The following TPO variants were observed in gnomAD, a reference collection of about 807,000 sequenced individuals.
TPO encodes the protein thyroid peroxidase.
In TPO, 78 loss-of-function variants were observed where a neutral mutation model predicts 96.9. The observed-to-expected ratio is 0.81, with a 90% confidence interval of 0.67 to 0.97. The LOEUF (loss-of-function observed/expected upper bound fraction) is 0.97. Among genes scored for constraint, TPO ranks in the 50% least tolerant of loss-of-function variants. The pLI, the probability that TPO is intolerant of heterozygous loss-of-function variation, is 0.00. For synonymous variants in TPO, 547 were observed against 538.0 expected (o/e 1.02, Z -0.23); for missense variants, 1,252 against 1,274.8 (o/e 0.98, Z 0.27).
rs28909377 is a variant in TPO at position 1,424,026 on chromosome 2, C to T, written c.179+897C>T. The stretch of plus-strand genomic sequence containing the variant: ...GTGAACCCAAGTATCTAAGACAGAT[C>T]TCAGTCAATTTAGAACGTTTATTTT... On this transcript the variant is annotated intron_variant, in intron 3 of 16. Transcript: ENST00000329066. Among the ~76,000 whole-genome samples, 17 of 152,212 alleles carry T rather than the reference C, an allele frequency of 1.1e-4. No individual in the cohort carries two copies. In the East Asian group the frequency reaches 1.9e-3, roughly 17 times the overall value.
intron 1 of TPO, among the ~76,000 whole-genome samples, chr2:1,382,958 G>A (rs1389622962): frequency 1.4e-5 from 2 of 141,806 alleles, no homozygotes; most frequent in African/African-American, 5.3e-5. Flanking sequence ...TCCCACCTAT[G>A]AGTGAGAACA....
intron 9 of TPO, among the ~76,000 whole-genome samples, chr2:1,486,679 T>C (rs979018171): frequency 6.6e-6 from 1 of 152,216 alleles, no homozygotes; most frequent in Non-Finnish European, 1.5e-5. Context: ...CCCAATTAGT[T>C]TTTTGGAAGG....
chr2:1,496,174 C>T lies in TPO; in HGVS notation c.2192C>T (p.Ala731Val), dbSNP rs765916555. 1.9e-6 allele frequency: 3 copies of T among 1,613,968 alleles called. No individual in the cohort carries two copies. The highest frequency in any genetic ancestry group is 2.5e-6 in the Non-Finnish European group (3 of 1,180,034). The change falls in exon 12 of 17, where the codon GCC becomes GTC. Residue 731 changes from alanine to valine, a missense_variant. Physicochemically the swap from Ala to Val is moderately conservative, Grantham distance 64. Coordinates refer to ENST00000329066, the MANE Select transcript of TPO (RefSeq NM_001206744.2). ...CDSITGMNLEAWRETFPQDDK... is the reference protein window; with the variant it reads ...CDSITGMNLEVWRETFPQDDK... ...AGCATCACTGGCATGAACCTGGAGG[C>T]CTGGAGGGAAACCTTTCCTCAAGGT...
At chr2:1,494,985 C>T (rs1307702346) in intron 11 of TPO, among the ~76,000 whole-genome samples, 1 of 152,098 alleles carries the variant, frequency 6.6e-6, no homozygotes. Context: ...CTTCAGCAAA[C>T]GTGCGGTTTG....
rs889336573 is a variant in TPO at position 1,517,947 on chromosome 2, C to CA, written c.2618+965_2618+966insA. 1.3e-4 allele frequency among the ~76,000 whole-genome samples: 20 copies of CA among 151,910 alleles called. No homozygotes were observed. In the South Asian group the frequency reaches 1.7e-3, roughly 13 times the overall value. On this transcript the variant is annotated intron_variant, in intron 15 of 16. Transcript: ENST00000329066. ...TCTCCCTGAGTGCCAGGCTCCCCCC[C>CA]CCAATATGCCCTGTGCACACTCCTG...
chr2:1,502,149 C>A (rs1401102509), intron 13 of TPO, among the ~76,000 whole-genome samples: 1 of 152,134 alleles, frequency 6.6e-6, no homozygotes, highest in Non-Finnish European at 1.5e-5. Flanking sequence ...GAAACACTCC[C>A]TACCCCAGAG....
At chr2:1,491,206 G>A (rs76314064) in intron 10 of TPO, among the ~76,000 whole-genome samples, 7,759 of 151,316 alleles carry the variant, frequency 0.051, 278 homozygotes, top group South Asian at 0.13. Context: ...TTGCATTCCC[G>A]TTTCTGCAGT....
At chr2:1,399,833 A>G (rs780693757) in intron 1 of TPO, among the ~76,000 whole-genome samples, 43 of 152,298 alleles carry the variant, frequency 2.8e-4, no homozygotes, top group South Asian at 1.9e-3. Flanking sequence ...GGTTCTGCAA[A>G]TAGGAACAAG....
At chr2:1,429,219 C>A (rs192251377) in intron 3 of TPO, among the ~76,000 whole-genome samples, 19 of 152,236 alleles carry the variant, frequency 1.2e-4, no homozygotes, top group Non-Finnish European at 1.5e-4. Context: ...ACTCTACTCT[C>A]CTGCTCCTGC....
chr2:1,515,907 A>AC (rs1383287464), intron 14 of TPO, among the ~76,000 whole-genome samples: 3 of 151,840 alleles, frequency 2.0e-5, no homozygotes, highest in Admixed American at 6.6e-5. Context: ...TAAAAAAAAA[A>AC]CGCTGATTGG....
At chr2:1,469,844 C>T (rs1669228376) in intron 7 of TPO, among the ~76,000 whole-genome samples, 1 of 152,202 alleles carries the variant, frequency 6.6e-6, no homozygotes, top group South Asian at 2.1e-4. Flanking sequence ...GAGCCATCCG[C>T]TTTCTTCAGA....
At chr2:1,409,638 G>GCT (rs1269926507), upstream of TPO, among the ~76,000 whole-genome samples, 1 of 152,078 alleles carries the variant, frequency 6.6e-6, no homozygotes, top group East Asian at 1.9e-4. Flanking sequence ...GGTATCCCCA[G>GCT]CTTTTCCATC....
chr2:1,413,943 A>G (rs772261361), intron 1 of TPO, among the ~76,000 whole-genome samples: 46 of 152,378 alleles, frequency 3.0e-4, no homozygotes, highest in Non-Finnish European at 5.9e-4. Flanking sequence ...TATGGACATA[A>G]GAATGCTTTA....
intron 8 of TPO, chr2:1,478,332 G>C: frequency 2.0e-6 from 2 of 985,462 alleles, no homozygotes. Context: ...GCGAGTCACC[G>C]TGTGTGTCTG....
At chr2:1,496,485 G>A in intron 12 of TPO, 110 bp from the exon 13 acceptor site, 1 of 1,494,968 alleles carries the variant, frequency 6.7e-7, no homozygotes, top group Non-Finnish European at 9.2e-7. Flanking sequence ...GGGCTCCCCG[G>A]CCCTGGCACC....
upstream of TPO, among the ~76,000 whole-genome samples, chr2:1,410,762 T>C (rs920213199): frequency 1.3e-5 from 2 of 152,028 alleles, no homozygotes; most frequent in Non-Finnish European, 1.5e-5. Flanking sequence ...CATGTGTGAG[T>C]TGGCTTCTTA....
rs771942015 is a variant in TPO, at chr2:1,496,032, C to T, written c.2050C>T (p.Arg684Cys). The T allele has an allele frequency of 2.6e-5, 42 of 1,613,528 alleles. No homozygotes were observed. The highest frequency in any genetic ancestry group is 1.2e-4 in the South Asian group (11 of 91,032). Reference protein sequence around the residue: ...NSHVFTDAQRRELEKHSLSRV... With the variant: ...NSHVFTDAQRCELEKHSLSRV... ...CCACGTCTTCACGGATGCACAGAGG[C>T]GTGAGCTGGAGAAGCACTCCCTGTC... Residue 684 changes from arginine to cysteine, a missense_variant, in exon 12 of 17, where the codon CGT becomes TGT. Physicochemically the swap from Arg to Cys is radical, Grantham distance 180. Transcript: ENST00000329066.
chr2:1,413,258 G>A (rs1232102617), upstream of TPO, among the ~76,000 whole-genome samples: 4 of 151,954 alleles, frequency 2.6e-5, no homozygotes, highest in African/African-American at 9.7e-5. Flanking sequence ...TAACTCATTC[G>A]GCCAGAGGCT....
intron 8 of TPO, among the ~76,000 whole-genome samples, chr2:1,480,380 A>C (rs1253830119): frequency 1.3e-5 from 2 of 152,004 alleles, no homozygotes; most frequent in African/African-American, 4.8e-5. Flanking sequence ...TGAAAGATCC[A>C]CGGTGGCCTG....
Sources: gnomAD v4.1 joint callset for allele counts (sites outside exome capture counted in the v4.1 genomes callset) on GRCh38, gnomAD v4.1.1 for gene constraint, MANE v1.5 for transcripts, NCBI Gene and HGNC (gene_info 2026-07-23, HGNC 2026-07-21) for gene names.